The following CDH7 variants were observed in gnomAD, a reference collection of about 807,000 sequenced individuals.
CDH7 encodes the protein cadherin-7.
In CDH7, 25 loss-of-function variants were observed where a neutral mutation model predicts 71.8. The ratio of observed to expected loss-of-function variants is 0.35; its 90% CI spans 0.25 to 0.49. The LOEUF (loss-of-function observed/expected upper bound fraction) is 0.49, where lower values mean the gene tolerates loss of function less well. Ranked by LOEUF, CDH7 falls within the 20% of genes least tolerant of loss-of-function variation. CDH7 has a pLI of 0.99. For missense variants in CDH7, 862 were observed against 974.6 expected, an observed-to-expected ratio of 0.88 and a Z score of 1.54; for synonymous variants, 381 against 363.8, an observed-to-expected ratio of 1.05 and a Z score of -0.54.
At position 65,858,913 on chromosome 18, in the gene CDH7, C is replaced by T; in HGVS notation, c.1373-12C>T. The T allele has an allele frequency of 6.2e-7, 1 of 1,610,166 alleles. No individual in the cohort carries two copies. The highest frequency in any genetic ancestry group is 8.5e-7 in the Non-Finnish European group (1 of 1,176,938). ...CAAAGAGTAAATGATAAGACACTGT[C>T]TTATTTATTAGAGAATCCATCTCAA... On this transcript the variant is annotated splice_polypyrimidine_tract_variant and intron_variant, in intron 8 of 11. Transcript: ENST00000397968.
At chr18:65,876,835 ATTG>A in intron 11 of CDH7, among the ~76,000 whole-genome samples, 1 of 152,364 alleles carries the variant, frequency 6.6e-6, no homozygotes, top group East Asian at 1.9e-4. Flanking sequence ...CATATAATAA[ATTG>A]TTAACATATT....
intron 2 of CDH7, among the ~76,000 whole-genome samples, chr18:65,799,867 T>A (rs568219593): frequency 3.3e-5 from 5 of 152,162 alleles, no homozygotes; most frequent in Non-Finnish European, 7.3e-5. Context: ...CATGAATGAT[T>A]GAAATAGTTT....
chr18:65,812,975 T>A (rs2333444), intron 3 of CDH7, among the ~76,000 whole-genome samples: 1 of 152,144 alleles, frequency 6.6e-6, no homozygotes, highest in Non-Finnish European at 1.5e-5. Flanking sequence ...ATTTAAAATA[T>A]GCATTATTTA....
At chr18:65,809,031 T>G (rs1911428249) in intron 2 of CDH7, among the ~76,000 whole-genome samples, 1 of 152,228 alleles carries the variant, frequency 6.6e-6, no homozygotes. Flanking sequence ...CATGCAAATC[T>G]AATGCAGTTC....
intron 2 of CDH7, among the ~76,000 whole-genome samples, chr18:65,809,475 A>G (rs139360170): frequency 0.016 from 2,497 of 152,228 alleles, 38 homozygotes; most frequent in Middle Eastern, 0.037. Flanking sequence ...GATATAAAAT[A>G]CCTTTGGAAA....
At chr18:65,789,984 C>T (rs1365562951) in intron 2 of CDH7, among the ~76,000 whole-genome samples, 1 of 151,438 alleles carries the variant, frequency 6.6e-6, no homozygotes, top group Non-Finnish European at 1.5e-5. Flanking sequence ...AATCCCAGCA[C>T]TTTGGGAGGC....
chr18:65,839,490 C>T (rs756443652), intron 6 of CDH7, among the ~76,000 whole-genome samples: 2 of 152,098 alleles, frequency 1.3e-5, no homozygotes, highest in Non-Finnish European at 2.9e-5. Context: ...AATGGCATCA[C>T]CTTGGGGGTT....
rs1243432888 is a variant in CDH7 at position 65,781,886 on chromosome 18, C to CTTTCTCTCTT, written c.210+18835_210+18836insTTCTCTCTTT. ...TCTTTCTCTCTCTCTCTCTGTCTCT[C>CTTTCTCTCTT]TCTCTCTTTCTCTCTATCTTTCTCT... is the stretch of plus-strand genomic sequence containing the variant. On this transcript the variant is annotated intron_variant, in intron 2 of 11. Coordinates refer to ENST00000397968, the MANE Select transcript of CDH7 (RefSeq NM_004361.5). Among the ~76,000 whole-genome samples, 3 of 105,284 alleles carry CTTTCTCTCTT rather than the reference C, an allele frequency of 2.8e-5. 1 individual carries two copies. The highest frequency in any genetic ancestry group is 1.3e-4 in the African/African-American group (3 of 22,258). 69.1% of individuals were successfully genotyped at this position (105,284 alleles called of 152,430 possible).
At chr18:65,766,151 C>G (rs1916358902) in intron 2 of CDH7, among the ~76,000 whole-genome samples, 2 of 151,912 alleles carry the variant, frequency 1.3e-5, no homozygotes, top group South Asian at 2.1e-4. Flanking sequence ...AATAATGCAG[C>G]TTTTAGAAAT....
At chr18:65,781,938 C>CTTTCTCTCTTTCTCTCTTTCTCTCTT (rs1568181957) in intron 2 of CDH7, among the ~76,000 whole-genome samples, 1 of 53,352 alleles carries the variant, frequency 1.9e-5, no homozygotes, top group African/African-American at 1.8e-4. Flanking sequence ...CTCTCTCTCT[C>CTTTCTCTCTTTCTCTCTTTCTCTCTT]TCTCTCTTTC....
Position 65,883,859 on chromosome 18 carries a change from G to A in CDH7, c.*2965G>A, listed in dbSNP as rs1352884550. The A allele has an allele frequency of 6.6e-6, 1 of 152,106 alleles. No homozygotes were observed. Among genetic ancestry groups the A allele is most frequent in the African/African-American group, 2.4e-5 (1 of 41,446 alleles). The allele number at this position is 152,106 out of a possible 1,614,324, so 9.4% of individuals were successfully genotyped here. On this transcript the variant is annotated 3_prime_UTR_variant, in exon 12 of 12. Transcript: ENST00000397968. Reference sequence around the variant, plus strand: ...CTACTAAATAACAATGTATGTGGTAGTGATTTCCTGAAGTGAAATCCTTGG... The same window carrying A: ...CTACTAAATAACAATGTATGTGGTAATGATTTCCTGAAGTGAAATCCTTGG...
At chr18:65,848,105 CT>C (rs1912999723) in intron 7 of CDH7, among the ~76,000 whole-genome samples, 1 of 151,918 alleles carries the variant, frequency 6.6e-6, no homozygotes, top group East Asian at 1.9e-4. Flanking sequence ...ATCTATTGAA[CT>C]TGGAAGGACA....
At chr18:65,848,249 T>C (rs1913005336) in intron 7 of CDH7, among the ~76,000 whole-genome samples, 1 of 152,156 alleles carries the variant, frequency 6.6e-6, no homozygotes, top group Non-Finnish European at 1.5e-5. Context: ...CATGTCAGCA[T>C]TGGCAGACTG....
intron 2 of CDH7, among the ~76,000 whole-genome samples, chr18:65,781,864 TTCTCTCTCTCTCTCTGTCTCTCTCTC>T (rs1910242692): frequency 5.5e-5 from 3 of 54,612 alleles, no homozygotes. Flanking sequence ...CTTTCTTTCT[TTCTCTCTCTCTCTCTGTCTCTCTCTC>T]TCTTTCTCTC....
intron 6 of CDH7, among the ~76,000 whole-genome samples, chr18:65,838,925 A>T (rs1233172841): frequency 6.6e-6 from 1 of 152,214 alleles, no homozygotes. Context: ...CTAGCAGGAA[A>T]TAATGCTTCT....
At chr18:65,783,240 A>G in intron 2 of CDH7, among the ~76,000 whole-genome samples, 1 of 152,216 alleles carries the variant, frequency 6.6e-6, no homozygotes, top group Non-Finnish European at 1.5e-5. Flanking sequence ...CTGTTATTAG[A>G]TAATGAATCC....
At chr18:65,783,325 A>C (rs111783430) in intron 2 of CDH7, among the ~76,000 whole-genome samples, 1,597 of 152,350 alleles carry the variant, frequency 0.01, 31 homozygotes, top group African/African-American at 0.036. Flanking sequence ...AATTATAAGC[A>C]AGAATAGTAA....
chr18:65,845,238 G>A (rs1912895461), intron 7 of CDH7, among the ~76,000 whole-genome samples: 1 of 148,822 alleles, frequency 6.7e-6, no homozygotes, highest in Admixed American at 6.7e-5. Flanking sequence ...CATATATATA[G>A]AACTAGTAAA....
chr18:65,875,076 A>T (rs868343618), intron 11 of CDH7, among the ~76,000 whole-genome samples: 7 of 152,062 alleles, frequency 4.6e-5, no homozygotes, highest in Admixed American at 3.9e-4. Context: ...TATTTTTGCA[A>T]TTTTTTTAGG....
Sources: allele counts gnomAD v4.1 joint callset (sites outside exome capture counted in the v4.1 genomes callset), GRCh38; gene constraint gnomAD v4.1.1; transcripts MANE v1.5; gene names NCBI Gene and HGNC (gene_info 2026-07-23, HGNC 2026-07-21).